Variants in TRPM6 observed in about 807,000 individuals in gnomAD.
TRPM6 encodes the protein channel kinase 2.
Under a neutral mutation model 247.6 loss-of-function variants are expected in TRPM6, and 111 were observed. The ratio of observed to expected loss-of-function variants is 0.45; its 90% CI spans 0.38 to 0.52. The LOEUF (loss-of-function observed/expected upper bound fraction) is 0.52, where lower values mean the gene tolerates loss of function less well. Ranked by LOEUF, TRPM6 falls within the 20% of genes least tolerant of loss-of-function variation. TRPM6 has a pLI of 0.00. For missense variants in TRPM6, 2,126 were observed against 2,421.5 expected (o/e 0.88, Z 2.56); for synonymous variants, 892 against 853.8 (o/e 1.04, Z -0.78).
chr9:74,724,365 C>T lies in TRPM6; in HGVS notation c.*248G>A. ...AGGTACACAAGAACAATATTCCCAG[C>T]TGACTCATCCAAGCATCTTCGTGTG... On this transcript the variant is annotated 3_prime_UTR_variant, in exon 39 of 39. Transcript: ENST00000360774. The T allele has an allele frequency of 1.8e-6, 1 of 551,756 alleles. No individual in the cohort carries two copies. The highest frequency in any genetic ancestry group is 3.2e-6 in the Non-Finnish European group (1 of 308,612). The allele number at this position is 551,756 out of a possible 1,614,324, so 34.2% of individuals were successfully genotyped here.
rs1828346600 is a variant in TRPM6, at chr9:74,801,760, C to T, written c.2009+138G>A. The T allele has an allele frequency of 8.5e-6, 9 of 1,064,276 alleles. No individual in the cohort carries two copies. The South Asian group carries it at 1.1e-4, about 13-fold the overall frequency. The allele number at this position is 1,064,276 out of a possible 1,614,324, so 65.9% of individuals were successfully genotyped here. On this transcript the variant is annotated intron_variant, in intron 16 of 38. Transcript: ENST00000360774. The stretch of plus-strand genomic sequence containing the variant: ...CAAAGCTCCTTAGAATACCTGAAGA[C>T]CCTTTTAACAGGAGAGTCCATAAAA...
rs780918665 is a variant in TRPM6 at position 74,739,411 on chromosome 9, A to G, written c.5526T>C (p.Tyr1842=). The G allele has an allele frequency of 1.1e-5, 17 of 1,614,142 alleles. No homozygotes were observed. The Admixed American group carries it at 2.0e-4, about 19-fold the overall frequency. ...TTTGTGGTTTCACTTGGTTGAAGGT[A>G]TAGATCAATTTTTGAGCAGCTCTTT... ...QQQRAAQKLI[Y]TFNQVKPQTI... Residue 1842 remains tyrosine, a synonymous_variant, in exon 35 of 39, where the codon TAT becomes TAC. Coordinates refer to ENST00000360774, the MANE Select transcript of TRPM6 (RefSeq NM_017662.5).
chr9:74,884,541 A>ATACG (rs1831471502), intron 1 of TRPM6, among the ~76,000 whole-genome samples: 2 of 151,478 alleles, frequency 1.3e-5, no homozygotes, highest in Non-Finnish European at 2.9e-5. Context: ...ACATACATAC[A>ATACG]TACGTATATA....
rs576330289 is a variant in TRPM6, at chr9:74,791,197, C to T, written c.2538+1427G>A. Among the ~76,000 whole-genome samples the T allele has an allele frequency of 2.3e-3, 346 of 152,230 alleles. 1 individual carries two copies. The highest frequency in any genetic ancestry group is 0.014 in the Middle Eastern group (4 of 294). On this transcript the variant is annotated intron_variant, in intron 19 of 38. Coordinates refer to ENST00000360774, the MANE Select transcript of TRPM6 (RefSeq NM_017662.5). Reference sequence around the variant, plus strand: ...TCAGAGTCTTTCGTATATGTTGTTGCGCATTACAAAAATAGCAAAACCTCA... The same window carrying T: ...TCAGAGTCTTTCGTATATGTTGTTGTGCATTACAAAAATAGCAAAACCTCA...
intron 1 of TRPM6, among the ~76,000 whole-genome samples, chr9:74,865,239 A>AT (rs1047723012): frequency 6.6e-6 from 1 of 152,192 alleles, no homozygotes. Context: ...AAGTGAAGTG[A>AT]TATCATACCC....
At position 74,782,453 on chromosome 9, in the gene TRPM6, G is replaced by A; in HGVS notation, c.3118C>T (p.Pro1040Ser). The change falls in exon 23 of 39, where the codon CCT becomes TCT. Residue 1040 changes from proline (P) to serine (S), a missense_variant. By Grantham distance (74) the Pro-to-Ser change is moderately conservative (BLOSUM62 -1). Coordinates refer to ENST00000360774, the MANE Select transcript of TRPM6 (RefSeq NM_017662.5). The part of the protein sequence containing the change: ...IDVCSSQPSC[P>S]PGSFLTPFLQ... ...AATGGAGTAAGAAAAGAACCAGGAG[G>A]GCAGGATGGCTGGCTTGAACAAACT... 6.2e-7 allele frequency: 1 copy of A among 1,613,894 alleles called. No homozygotes were observed. The highest frequency in any genetic ancestry group is 8.5e-7 in the Non-Finnish European group (1 of 1,179,946).
intron 24 of TRPM6, among the ~76,000 whole-genome samples, chr9:74,772,953 C>G (rs1587489673): frequency 6.6e-6 from 1 of 151,942 alleles, no homozygotes; most frequent in East Asian, 1.9e-4. Flanking sequence ...ACTCTCAGCT[C>G]CTTAAAACAA....
At chr9:74,854,699 T>C (rs1011048985) in intron 3 of TRPM6, among the ~76,000 whole-genome samples, 1 of 152,170 alleles carries the variant, frequency 6.6e-6, no homozygotes, top group African/African-American at 2.4e-5. Flanking sequence ...GGTCTCACTC[T>C]GCCACCCAGG....
At chr9:74,781,581 A>G (rs1386517626) in intron 23 of TRPM6, among the ~76,000 whole-genome samples, 1 of 151,626 alleles carries the variant, frequency 6.6e-6, no homozygotes, top group Non-Finnish European at 1.5e-5. Context: ...GGAAAAGAAA[A>G]GAAAAGGAAA....
chr9:74,770,942 C>A (rs906696117), intron 25 of TRPM6, among the ~76,000 whole-genome samples: 2 of 152,210 alleles, frequency 1.3e-5, no homozygotes, highest in Admixed American at 6.5e-5. Context: ...GTCTCTGCTT[C>A]TCCTATTCTG....
At chr9:74,839,360 C>T (rs905207850) in intron 5 of TRPM6, among the ~76,000 whole-genome samples, 2 of 152,040 alleles carry the variant, frequency 1.3e-5, no homozygotes, top group African/African-American at 4.8e-5. Context: ...ATATACAATT[C>T]TGGAATTTCA....
intron 25 of TRPM6, among the ~76,000 whole-genome samples, chr9:74,765,484 G>A (rs1826798537): frequency 6.6e-6 from 1 of 151,776 alleles, no homozygotes; most frequent in Non-Finnish European, 1.5e-5. Flanking sequence ...TTCTTCCCTT[G>A]TTTCATTCTA....
chr9:74,768,012 CG>C (rs1464876645), intron 25 of TRPM6, among the ~76,000 whole-genome samples: 2 of 152,058 alleles, frequency 1.3e-5, no homozygotes, highest in African/African-American at 4.8e-5. Flanking sequence ...AATTTTCAGA[CG>C]GTACATATCC....
intron 33 of TRPM6, among the ~76,000 whole-genome samples, chr9:74,741,847 G>A (rs375312972): frequency 2.0e-5 from 3 of 151,604 alleles, no homozygotes; most frequent in South Asian, 2.1e-4. Context: ...CCAAGATCCC[G>A]CCATTGCACT....
intron 23 of TRPM6, among the ~76,000 whole-genome samples, chr9:74,776,566 TA>T (rs1827230052): frequency 6.6e-6 from 1 of 152,198 alleles, no homozygotes; most frequent in African/African-American, 2.4e-5. Flanking sequence ...CAATTCATCT[TA>T]AAAAACAGAG....
intron 3 of TRPM6, among the ~76,000 whole-genome samples, chr9:74,852,450 C>CCTCCCTCTCCCT (rs201385236): frequency 8.8e-5 from 13 of 148,256 alleles, no homozygotes; most frequent in African/African-American, 2.3e-4. Context: ...CGCTCCCCCT[C>CCTCCCTCTCCCT]CTCCCTCTCC....
chr9:74,810,646 A>G (rs1213996804), intron 13 of TRPM6, among the ~76,000 whole-genome samples, 169 bp downstream of exon 13: 1 of 152,256 alleles, frequency 6.6e-6, no homozygotes, highest in East Asian at 1.9e-4. Context: ...TAAGGAAAAA[A>G]GTGTACGAAT....
chr9:74,801,275 T>TA (rs1554709029), intron 16 of TRPM6, among the ~76,000 whole-genome samples: 2 of 75,852 alleles, frequency 2.6e-5, no homozygotes, highest in Non-Finnish European at 5.2e-5. Flanking sequence ...TTTTTTTTTT[T>TA]ATTGACGGAG....
chr9:74,775,951 C>T lies in TRPM6; in HGVS notation c.3335G>A (p.Gly1112Asp). The T allele has an allele frequency of 6.2e-7, 1 of 1,614,174 alleles. No homozygotes were observed. The highest frequency in any genetic ancestry group is 1.7e-5 in the Admixed American group (1 of 60,024). Residue 1112 changes from glycine to aspartate, a missense_variant, in exon 24 of 39, where the codon GGC (glycine) becomes GAC (aspartate). This residue lies in a region of TRPM6 where 717 missense variants were observed against 715.9 expected (regional missense o/e 1.00). Transcript: ENST00000360774. ...PPPLILLSHV[G>D]LLLRRLCCHR... ...ACAGCACAGGCGGCGGAGGAGAAGG[C>T]CCACGTGGCTCAGCAGGATGAGAGG...
Sources: allele counts gnomAD v4.1 joint callset (sites outside exome capture counted in the v4.1 genomes callset), GRCh38; gene constraint gnomAD v4.1.1; regional missense constraint gnomAD v4.1.1; transcripts MANE v1.5; gene names NCBI Gene and HGNC (gene_info 2026-07-23, HGNC 2026-07-21).